Variants in TAF6 observed in about 807,000 individuals in gnomAD.
The protein encoded by TAF6 is TATA-box binding protein associated factor 6.
A neutral mutation model predicts 73.5 loss-of-function variants in TAF6; 50 were observed. The observed-to-expected ratio is 0.68, with a 90% confidence interval of 0.54 to 0.86. The LOEUF is 0.86. Ranked by LOEUF, TAF6 falls within the 40% of genes least tolerant of loss-of-function variation. The pLI is 0.00. For missense variants in TAF6, 768 were observed against 899.5 expected (o/e 0.85, Z 1.87); for synonymous variants, 424 against 376.7 (o/e 1.13, Z -1.45).
chr7:100,118,976 T>G, intron 1 of TAF6: 1 of 985,166 alleles, frequency 1.0e-6, no homozygotes. Context: ...CCTCTGCCAG[T>G]AAAGGCTCAT....
the TAF6 span, chr7:100,126,997 A>T: frequency 5.6e-6 from 1 of 177,128 alleles, no homozygotes; most frequent in African/African-American, 2.4e-5. Flanking sequence ...CGCAGAGGAC[A>T]AACTCTCACC....
At chr7:100,119,951 C>G, upstream of TAF6, 1 of 1,217,986 alleles carries the variant, frequency 8.2e-7, no homozygotes, top group East Asian at 2.6e-5. Flanking sequence ...GGGTGGGTCA[C>G]CCGACCTCCT....
intron 1 of TAF6, 52 bp from the exon 2 acceptor site, chr7:100,114,320 G>C: frequency 1.9e-6 from 3 of 1,566,652 alleles, no homozygotes; most frequent in Middle Eastern, 1.7e-4. Context: ...GACACAGGGA[G>C]AGGGCCAACA....
chr7:100,116,496 G>C (rs1038354693), intron 1 of TAF6: 10 of 152,022 alleles, frequency 6.6e-5, no homozygotes, highest in African/African-American at 1.9e-4. Context: ...AAAATTAGAT[G>C]GGCATGGTGG....
At chr7:100,109,705 G>A (rs1439680247) in intron 12 of TAF6, among the ~76,000 whole-genome samples, 1 of 151,722 alleles carries the variant, frequency 6.6e-6, no homozygotes. Flanking sequence ...CGTTGTCCAG[G>A]CTGGCCTCAT....
Position 100,113,703 on chromosome 7 carries a change from G to T in TAF6, c.310C>A (p.Leu104Ile). The change falls in exon 4 of 15, where the codon CTT becomes ATT. Residue 104 changes from leucine (L) to isoleucine (I), a missense_variant. By Grantham distance (5) the Leu-to-Ile change is conservative (BLOSUM62 2). Around this residue, in one of 5 missense-constraint regions of TAF6, gnomAD observed 269 missense variants for 268.0 expected, o/e 1.00. Coordinates refer to ENST00000453269, the MANE Select transcript of TAF6 (RefSeq NM_139315.3). ...FRFASGGGRE[L>I]YFYEEKEVDL... The stretch of plus-strand genomic sequence containing the variant: ...ACCTCCTTCTCCTCATAGAAGTAAA[G>T]CTCCCGGCCCCCACCAGAGGCGAAG... 2.5e-6 allele frequency: 4 copies of T among 1,614,084 alleles called. No homozygotes were observed. Among genetic ancestry groups the T allele is most frequent in the Non-Finnish European group, 3.4e-6 (4 of 1,180,012 alleles).
intron 5 of TAF6, 77 bp from the exon 6 acceptor site, chr7:100,112,994 G>A (rs975744009): frequency 1.2e-5 from 19 of 1,540,080 alleles, no homozygotes; most frequent in Admixed American, 5.5e-5. Flanking sequence ...GCCGGATGCG[G>A]TGGCTCATGC....
At chr7:100,119,459 A>G (rs980352731), upstream of TAF6, 9 of 1,328,340 alleles carry the variant, frequency 6.8e-6, no homozygotes, top group South Asian at 1.8e-5. Context: ...TTATATTTTA[A>G]AAGTTTGTTT....
Position 100,108,497 on chromosome 7 carries a change from T to G in TAF6, c.1328A>C (p.Asp443Ala), listed in dbSNP as rs1216730609. ...PVLAKLRPPP[D>A]NQDAYRAEFG... The stretch of plus-strand genomic sequence containing the variant: ...TTCTGCCCGATAGGCGTCCTGATTG[T>G]CAGGCGGTGGGCGCAGCTTTGCCAG... Residue 443 changes from aspartate to alanine, a missense_variant, in exon 13 of 15, where the codon GAC (aspartate) becomes GCC (alanine). Physicochemically the swap from Asp to Ala is moderately radical, Grantham distance 126 (BLOSUM62 -2). Coordinates refer to ENST00000453269, the MANE Select transcript of TAF6 (RefSeq NM_139315.3). 16 of 1,613,270 alleles carry G rather than the reference T, an allele frequency of 9.9e-6. No individual in the cohort carries two copies. The Admixed American group carries it at 2.7e-4, about 27-fold the overall frequency.
At chr7:100,111,675 G>T (rs2116779660) in intron 9 of TAF6, 53 bp downstream of exon 9, 1 of 1,572,538 alleles carries the variant, frequency 6.4e-7, no homozygotes, top group African/African-American at 1.3e-5. Context: ...ACTTCCTGTT[G>T]GTGGCAGCAG....
the TAF6 span, chr7:100,124,862 C>G: frequency 6.2e-7 from 1 of 1,602,784 alleles, no homozygotes; most frequent in South Asian, 1.1e-5. Context: ...AGGAAGCCAC[C>G]CCAAACTTGA....
chr7:100,124,842 T>C, the TAF6 span: 8 of 1,608,826 alleles, frequency 5.0e-6, no homozygotes, highest in Admixed American at 3.4e-5. Flanking sequence ...GGAGACAAGA[T>C]GACCAAGACA....
At chr7:100,119,788 C>T (rs762703379), upstream of TAF6, 6 of 1,613,770 alleles carry the variant, frequency 3.7e-6, no homozygotes, top group Admixed American at 1.7e-5. Flanking sequence ...CTTTTTTTGG[C>T]CGTGCACGAG....
At chr7:100,121,117 T>TATATATATTG (rs1491228284), upstream of TAF6, 1 of 35,162 alleles carries the variant, frequency 2.8e-5, no homozygotes, top group Admixed American at 4.9e-4. Context: ...TATATATATA[T>TATATATATTG]TTTTTTTTTT....
chr7:100,122,188 G>C (rs1798091975), upstream of TAF6: 5 of 1,590,046 alleles, frequency 3.1e-6, 1 homozygote, highest in South Asian at 5.7e-5. Flanking sequence ...TGCTGCCTCA[G>C]GTCATCTGCA....
At chr7:100,121,918 T>C (rs1036808600), upstream of TAF6, 24 of 205,274 alleles carry the variant, frequency 1.2e-4, no homozygotes, top group South Asian at 3.8e-4. Flanking sequence ...GGCGTGGTGG[T>C]GGGTGCCTGT....
At chr7:100,122,157 A>G, upstream of TAF6, 1 of 1,462,988 alleles carries the variant, frequency 6.8e-7, no homozygotes, top group East Asian at 2.3e-5. Flanking sequence ...GTCTGGCTCC[A>G]TAGTCTGCAC....
chr7:100,113,440 C>A (rs1291399148), intron 4 of TAF6, 35 bp from the exon 5 acceptor site: 1 of 1,551,880 alleles, frequency 6.4e-7, no homozygotes, highest in Non-Finnish European at 8.7e-7. Context: ...TGAATTGCCA[C>A]GCATGGACAT....
chr7:100,121,506 G>A (rs1359267404), upstream of TAF6: 1 of 149,606 alleles, frequency 6.7e-6, no homozygotes, highest in Non-Finnish European at 1.5e-5. Flanking sequence ...GGGGTGCAGT[G>A]GTGGGATCTC....
Sources: gnomAD v4.1 joint callset for allele counts (sites outside exome capture counted in the v4.1 genomes callset) on GRCh38, gnomAD v4.1.1 for gene constraint, gnomAD v4.1.1 regional missense constraint, MANE v1.5 for transcripts, NCBI Gene and HGNC (gene_info 2026-07-23, HGNC 2026-07-21) for gene names.